The following UVRAG variants were observed in gnomAD, a reference collection of about 807,000 sequenced individuals.
UVRAG encodes the protein UV radiation resistance associated.
Under a neutral mutation model 78.0 loss-of-function variants are expected in UVRAG, and 19 were observed. The observed-to-expected ratio is 0.24, with a 90% CI of 0.17 to 0.36. The LOEUF (loss-of-function observed/expected upper bound fraction) is 0.36. UVRAG is among the 10% of genes least tolerant of loss of function. The pLI is 1.00. For synonymous variants in UVRAG, 323 were observed against 324.6 expected (o/e 1.00, Z 0.05); for missense variants, 740 against 853.8 (o/e 0.87, Z 1.66).
In UVRAG at chr11:76,142,816, A is replaced by G. The variant is rs753822345; in HGVS notation, c.*1403A>G. ...GTATATAGCAACACAAACACTTGAC[A>G]GGTATATACTCCAGTCGCCACATTT... is the stretch of plus-strand genomic sequence containing the variant. On this transcript the variant is annotated 3_prime_UTR_variant, in exon 15 of 15. Transcript: ENST00000356136. 6.6e-6 allele frequency: 1 copy of G among 152,308 alleles called. No homozygotes were observed. Among genetic ancestry groups the G allele is most frequent in the Non-Finnish European group, 1.5e-5 (1 of 68,044 alleles). The allele number at this position is 152,308 out of a possible 1,614,324, so 9.4% of individuals were successfully genotyped here.
At chr11:75,947,722 G>A (rs1333004589) in intron 6 of UVRAG, among the ~76,000 whole-genome samples, 1 of 152,118 alleles carries the variant, frequency 6.6e-6, no homozygotes, top group Admixed American at 6.6e-5. Context: ...TGAAGACCAC[G>A]GGCTTTGGAG....
intron 7 of UVRAG, among the ~76,000 whole-genome samples, chr11:75,979,316 G>A (rs758385883): frequency 3.9e-5 from 6 of 152,156 alleles, no homozygotes; most frequent in Admixed American, 3.9e-4. Flanking sequence ...TAGGCTACTT[G>A]GGGGTCAGGG....
chr11:75,819,438 C>T (rs1945338805), intron 1 of UVRAG, among the ~76,000 whole-genome samples: 1 of 152,100 alleles, frequency 6.6e-6, no homozygotes, highest in Non-Finnish European at 1.5e-5. Flanking sequence ...ACCTGCCCCT[C>T]CCGGGTTCAA....
At chr11:76,023,647 A>T (rs1950284040) in intron 12 of UVRAG, among the ~76,000 whole-genome samples, 1 of 152,112 alleles carries the variant, frequency 6.6e-6, no homozygotes, top group Non-Finnish European at 1.5e-5. Context: ...GAGGTGTCAT[A>T]CTGAGAGGGC....
chr11:75,948,959 G>A (rs1332382921), intron 6 of UVRAG, among the ~76,000 whole-genome samples: 1 of 152,118 alleles, frequency 6.6e-6, no homozygotes, highest in Non-Finnish European at 1.5e-5. Flanking sequence ...ATGCTGTTGG[G>A]GAAGATAAAC....
intron 6 of UVRAG, among the ~76,000 whole-genome samples, chr11:75,929,513 G>A (rs970345345): frequency 6.6e-6 from 1 of 152,168 alleles, no homozygotes; most frequent in African/African-American, 2.4e-5. Context: ...TTAGGCCCAA[G>A]GGAACCTCCT....
chr11:75,866,357 C>CAATA (rs376334935), intron 3 of UVRAG, among the ~76,000 whole-genome samples: 2,582 of 148,790 alleles, frequency 0.017, 46 homozygotes, highest in African/African-American at 0.054. Context: ...CCCATCTCTA[C>CAATA]AATAAATAAA....
chr11:76,008,346 T>G (rs1949989679), intron 10 of UVRAG, among the ~76,000 whole-genome samples: 2 of 152,208 alleles, frequency 1.3e-5, no homozygotes. Flanking sequence ...TGAGCCTAGT[T>G]TCTTAGAATG....
chr11:76,125,665 C>T (rs936162042), intron 14 of UVRAG, among the ~76,000 whole-genome samples: 1 of 152,178 alleles, frequency 6.6e-6, no homozygotes, highest in Admixed American at 6.5e-5. Context: ...GTCTCTGAAC[C>T]AAATTGAGAG....
intron 1 of UVRAG, among the ~76,000 whole-genome samples, chr11:75,840,491 A>G (rs927676995): frequency 1.3e-5 from 2 of 152,168 alleles, no homozygotes; most frequent in African/African-American, 2.4e-5. Context: ...CACAGCCAAA[A>G]TGTATAAGAA....
intron 6 of UVRAG, among the ~76,000 whole-genome samples, chr11:75,933,490 G>A (rs1227216617): frequency 6.6e-6 from 1 of 152,086 alleles, no homozygotes; most frequent in Non-Finnish European, 1.5e-5. Flanking sequence ...GGCAACCAAA[G>A]CAAAAATGGG....
chr11:76,073,563 A>T (rs1951353697), intron 13 of UVRAG, among the ~76,000 whole-genome samples: 1 of 152,166 alleles, frequency 6.6e-6, no homozygotes, highest in Non-Finnish European at 1.5e-5. Flanking sequence ...GTGATTTTTA[A>T]ATAGTTTATA....
chr11:75,940,265 G>A (rs1214097119), intron 6 of UVRAG, among the ~76,000 whole-genome samples: 1 of 152,092 alleles, frequency 6.6e-6, no homozygotes, highest in Non-Finnish European at 1.5e-5. Context: ...TTTAAAACGA[G>A]AGCATTGAAT....
rs532512070 is a variant in UVRAG at position 75,877,753 on chromosome 11, C to T, written c.271-2126C>T. ...GCGGGGGGCTGACCCCCCCACTTCC[C>T]TCCCGGACGGAGCGGCTGGCCAGGC... On this transcript the variant is annotated intron_variant, in intron 3 of 14. Transcript: ENST00000356136. Among the ~76,000 whole-genome samples, 5 of 143,446 alleles carry T rather than the reference C, an allele frequency of 3.5e-5. No individual in the cohort carries two copies. In the South Asian group the frequency reaches 1.1e-3, roughly 32 times the overall value. 94.1% of individuals were successfully genotyped at this position (143,446 alleles called of 152,430 possible). A position where few individuals can be genotyped will look rare whatever the true frequency, so the allele number is the denominator to read the frequency against.
chr11:75,837,252 G>A (rs906701204), intron 1 of UVRAG, among the ~76,000 whole-genome samples: 4 of 150,814 alleles, frequency 2.7e-5, no homozygotes, highest in African/African-American at 9.8e-5. Context: ...GTGTGACCTC[G>A]GGAGTCAGAG....
chr11:75,821,611 A>G (rs1945391599), intron 1 of UVRAG, among the ~76,000 whole-genome samples: 1 of 152,200 alleles, frequency 6.6e-6, no homozygotes, highest in Non-Finnish European at 1.5e-5. Context: ...TGTTGAGATT[A>G]CAGCATGAGC....
intron 1 of UVRAG, among the ~76,000 whole-genome samples, chr11:75,847,737 C>T (rs967780947): frequency 1.1e-4 from 16 of 151,984 alleles, no homozygotes; most frequent in Non-Finnish European, 2.2e-4. Context: ...TTTTGGGAGG[C>T]TGAGGTGGGC....
chr11:75,960,835 TA>T (rs1204183210), intron 6 of UVRAG, among the ~76,000 whole-genome samples: 1 of 152,118 alleles, frequency 6.6e-6, no homozygotes, highest in Non-Finnish European at 1.5e-5. Flanking sequence ...AATTTAAAAA[TA>T]AAAATAGCTC....
intron 7 of UVRAG, among the ~76,000 whole-genome samples, chr11:75,966,061 T>TA (rs1949017081): frequency 6.6e-6 from 1 of 152,168 alleles, no homozygotes; most frequent in Non-Finnish European, 1.5e-5. Flanking sequence ...TGAGAGTTTT[T>TA]ATCACGAATA....
Sources: gnomAD v4.1 joint callset for allele counts (sites outside exome capture counted in the v4.1 genomes callset) on GRCh38, gnomAD v4.1.1 for gene constraint, MANE v1.5 for transcripts, NCBI Gene and HGNC (gene_info 2026-07-23, HGNC 2026-07-21) for gene names.